Variants in AACS observed in about 807,000 individuals in gnomAD.
AACS encodes the protein acetoacetyl-CoA synthetase, also known as acetoacetate-CoA ligase.
Under a neutral mutation model 83.1 loss-of-function variants are expected in AACS, and 69 were observed. The observed-to-expected ratio is 0.83, with a 90% CI of 0.68 to 1.01. The LOEUF (loss-of-function observed/expected upper bound fraction) is 1.01. Among genes scored for constraint, AACS ranks in the 50% least tolerant of loss-of-function variants. AACS has a pLI of 0.00. For missense variants in AACS, 866 were observed against 882.2 expected (o/e 0.98, Z 0.23); for synonymous variants, 333 against 343.4 (o/e 0.97, Z 0.33).
intron 17 of AACS, 49 bp from the exon 18 acceptor site, chr12:125,142,043 T>A: frequency 6.2e-7 from 1 of 1,608,896 alleles, no homozygotes; most frequent in Non-Finnish European, 8.5e-7. Flanking sequence ...CTGCGGATTT[T>A]CCCCCCTTCA....
chr12:125,124,614 A>G (rs1957214485), intron 10 of AACS, 91 bp from the exon 11 acceptor site: 2 of 1,529,962 alleles, frequency 1.3e-6, no homozygotes, highest in Admixed American at 1.8e-5. Context: ...GGGTTTTGCA[A>G]ACTTGTCAGA....
In AACS at chr12:125,103,091, C is replaced by T. The variant is rs143607506; in HGVS notation, c.767+10C>T. On this transcript the variant is annotated intron_variant, in intron 7 of 17. Coordinates refer to ENST00000316519, the MANE Select transcript of AACS (RefSeq NM_023928.5). ...CAAAGATTCCAAACAGGTAATGTAC[C>T]GCATTCTGACCCACAGGTCCGTGTG... 7.3e-4 allele frequency: 1,171 copies of T among 1,611,858 alleles called. 1 individual carries two copies. The highest frequency in any genetic ancestry group is 3.2e-3 in the African/African-American group (238 of 74,900).
intron 3 of AACS, among the ~76,000 whole-genome samples, chr12:125,084,413 CCTTT>C (rs1453272510): frequency 6.6e-6 from 1 of 151,428 alleles, no homozygotes; most frequent in African/African-American, 2.4e-5. Context: ...TCCTTTCTTT[CCTTT>C]CTTTTCGACA....
At position 125,142,078 on chromosome 12, in the gene AACS, C is replaced by T. The variant is rs898440142; in HGVS notation, c.1882-14C>T. ...AGGTTTAAATGTTCCTGTTTTTCTA[C>T]CTTTCCCTCGCAGTATACGCTCAAC... is the stretch of plus-strand genomic sequence containing the variant. On this transcript the variant is annotated splice_polypyrimidine_tract_variant and intron_variant, in intron 17 of 17. Transcript: ENST00000316519. 1.2e-6 allele frequency: 2 copies of T among 1,613,698 alleles called. No individual in the cohort carries two copies. The highest frequency in any genetic ancestry group is 2.7e-5 in the African/African-American group (2 of 74,892).
At chr12:125,114,291 A>G (rs373317970) in intron 8 of AACS, 186 bp from the exon 9 acceptor site, 291 of 491,122 alleles carry the variant, frequency 5.9e-4, no homozygotes, top group African/African-American at 5.0e-3. Context: ...GGAGAGGGAC[A>G]TGGGGGCATG....
intron 7 of AACS, among the ~76,000 whole-genome samples, chr12:125,103,599 C>T (rs923670298): frequency 5.3e-5 from 8 of 152,208 alleles, no homozygotes; most frequent in African/African-American, 1.7e-4. Flanking sequence ...TTAGGACATG[C>T]GTGTGTTCCC....
At chr12:125,077,717 A>ATT (rs375700962) in intron 3 of AACS, among the ~76,000 whole-genome samples, 7 of 145,652 alleles carry the variant, frequency 4.8e-5, no homozygotes, top group Non-Finnish European at 6.1e-5. Context: ...CAAGTTGGCA[A>ATT]TTTTTTTTTT....
chr12:125,102,819 C>T (rs772329631), intron 6 of AACS, 26 bp downstream of exon 6: 106 of 1,605,382 alleles, frequency 6.6e-5, no homozygotes, highest in Non-Finnish European at 7.6e-5. Flanking sequence ...GGCTCCCAGC[C>T]GGCATGGCTG....
At position 125,129,026 on chromosome 12, in the gene AACS, A is replaced by T; in HGVS notation, c.1424-309A>T. 1 of 228,752 alleles carries T rather than the reference A, an allele frequency of 4.4e-6. No homozygotes were observed. Among genetic ancestry groups the T allele is most frequent in the Non-Finnish European group, 8.6e-6 (1 of 116,684 alleles). 14.2% of individuals were successfully genotyped at this position (228,752 alleles called of 1,614,324 possible). ...AGAAGGACAGCGTGTATGTGTTCAA[A>T]GGCATGCAGAGTGACGACATATGCT... On this transcript the variant is annotated intron_variant, in intron 13 of 17. Coordinates refer to ENST00000316519, the MANE Select transcript of AACS (RefSeq NM_023928.5). This position sits in a 1 kb window ranked among gnomAD's most constrained non-coding sequence, Gnocchi z 4.3.
Position 125,082,128 on chromosome 12 carries a change from C to CA in AACS, c.359-4199dup, listed in dbSNP as rs1341143365. Among the ~76,000 whole-genome samples, 3 of 151,708 alleles carry CA rather than the reference C, an allele frequency of 2.0e-5. No homozygotes were observed. In the South Asian group the frequency reaches 6.2e-4, roughly 32 times the overall value. On this transcript the variant is annotated intron_variant, in intron 3 of 17. Transcript: ENST00000316519. ...GACCTCAAGTGATCTGCCCGCCTCC[C>CA]AAAGTGCTGAGATTACAGGCATGAG... is the stretch of plus-strand genomic sequence containing the variant.
At position 125,066,999 on chromosome 12, in the gene AACS, T is replaced by G. The variant is rs77849382; in HGVS notation, c.133+1282T>G. 5.8e-3 allele frequency among the ~76,000 whole-genome samples: 885 copies of G among 152,312 alleles called. 12 individuals are homozygous for G. The highest frequency in any genetic ancestry group is 0.02 in the African/African-American group (847 of 41,572). On this transcript the variant is annotated intron_variant, in intron 1 of 17. Coordinates refer to ENST00000316519, the MANE Select transcript of AACS (RefSeq NM_023928.5). ...AACAGTGGTTGGTTTTCCTGCTTCC[T>G]GCTTTTCCATCCATTTGCATCCTGC...
chr12:125,124,371 T>C (rs1957208547), intron 10 of AACS: 1 of 273,912 alleles, frequency 3.7e-6, no homozygotes, highest in Non-Finnish European at 6.9e-6. Flanking sequence ...TTGAGGGGAC[T>C]TGATTTTTAT....
At chr12:125,090,835 C>T (rs183648947) in intron 4 of AACS, among the ~76,000 whole-genome samples, 2 of 152,374 alleles carry the variant, frequency 1.3e-5, no homozygotes, top group Admixed American at 1.3e-4. Flanking sequence ...AAAGTCCCAG[C>T]CCTCATGTGA....
intron 14 of AACS, among the ~76,000 whole-genome samples, chr12:125,132,204 C>T (rs767314866): frequency 1.3e-5 from 2 of 152,198 alleles, no homozygotes; most frequent in Admixed American, 6.5e-5. Flanking sequence ...GTGGATTGCT[C>T]CTCTCAGCCT....
At chr12:125,088,550 G>A (rs2136070090) in intron 4 of AACS, among the ~76,000 whole-genome samples, 3 of 152,274 alleles carry the variant, frequency 2.0e-5, no homozygotes, top group Middle Eastern at 6.8e-3. Context: ...AGGCATTTTT[G>A]AGGCTGAAAC....
At chr12:125,071,296 A>G (rs946728342) in intron 1 of AACS, among the ~76,000 whole-genome samples, 2 of 152,158 alleles carry the variant, frequency 1.3e-5, no homozygotes, top group African/African-American at 4.8e-5. Context: ...CACTTCCACA[A>G]TACCCTGTTG....
chr12:125,122,099 G>A (rs2136122044), intron 10 of AACS: 1 of 152,654 alleles, frequency 6.6e-6, no homozygotes, highest in South Asian at 2.1e-4. Flanking sequence ...TTGCAGGACT[G>A]GGGACGTGTA....
At chr12:125,116,755 G>T (rs371957988) in intron 9 of AACS, among the ~76,000 whole-genome samples, 1 of 151,908 alleles carries the variant, frequency 6.6e-6, no homozygotes, top group African/African-American at 2.4e-5. Context: ...ATGAGCCACC[G>T]CGCCCGGCCT....
rs975782660 is a variant in AACS at position 125,136,610 on chromosome 12, C to T, written c.1679-52C>T. The T allele has an allele frequency of 3.2e-5, 50 of 1,552,520 alleles. 1 individual carries two copies. The Admixed American group carries it at 7.6e-4, about 24-fold the overall frequency. ...CTGCCAGGTTGCTGTGAGGCCCGAC[C>T]CCACACTGAGGGGCCCCCTGCGTGA... On this transcript the variant is annotated intron_variant, in intron 16 of 17. Coordinates refer to ENST00000316519, the MANE Select transcript of AACS (RefSeq NM_023928.5).
Sources: gnomAD v4.1 joint callset for allele counts (sites outside exome capture counted in the v4.1 genomes callset) on GRCh38, gnomAD v4.1.1 for gene constraint, Gnocchi (gnomAD v3.1) non-coding constraint, MANE v1.5 for transcripts, NCBI Gene and HGNC (gene_info 2026-07-23, HGNC 2026-07-21) for gene names.